BRINP1: variants seen among roughly 807,000 people sequenced by gnomAD.
BRINP1 encodes the protein BMP/retinoic acid-inducible neural-specific protein 1.
A neutral mutation model predicts 72.9 loss-of-function variants in BRINP1; 17 were observed. The ratio of observed to expected loss-of-function variants is 0.23; its 90% CI spans 0.16 to 0.35. The LOEUF (loss-of-function observed/expected upper bound fraction) is 0.35, where lower values mean the gene tolerates loss of function less well. BRINP1 is among the 10% of genes least tolerant of loss of function. The probability of loss-of-function intolerance (pLI) is 1.00; values close to 1 mark genes in which losing one functional copy is unlikely to be tolerated. For synonymous variants in BRINP1, 418 were observed against 378.5 expected, an observed-to-expected ratio of 1.10 and a Z score of -1.21; for missense variants, 850 against 1,001.6, an observed-to-expected ratio of 0.85 and a Z score of 2.04.
rs143306726 is a variant in BRINP1, at chr9:119,230,823, C to T, written c.685+7832G>A. ...GAGAAGGCTCTCAAAACACAAGTCT[C>T]GGGTGGCCCTGTTGGAGATTCAGGC... On this transcript the variant is annotated intron_variant, in intron 5 of 7. Coordinates refer to ENST00000265922, the MANE Select transcript of BRINP1 (RefSeq NM_014618.3). 7.4e-4 allele frequency among the ~76,000 whole-genome samples: 112 copies of T among 152,096 alleles called. 1 individual carries two copies. Among genetic ancestry groups the T allele is most frequent in the Non-Finnish European group, 1.1e-3 (77 of 67,950 alleles).
At chr9:119,286,755 A>C (rs1347630794) in intron 2 of BRINP1, among the ~76,000 whole-genome samples, 1 of 152,234 alleles carries the variant, frequency 6.6e-6, no homozygotes, top group Non-Finnish European at 1.5e-5. Flanking sequence ...CATGCCTGCT[A>C]TACAAGGTCA....
chr9:119,228,398 T>C (rs150108302), intron 5 of BRINP1, among the ~76,000 whole-genome samples: 2,226 of 152,070 alleles, frequency 0.015, 28 homozygotes, highest in Non-Finnish European at 0.02. Context: ...AGGAAAAATC[T>C]TTGCCTTTAA....
chr9:119,313,264 T>C lies in BRINP1; in HGVS notation c.92A>G (p.Asp31Gly). 4 of 1,614,168 alleles carry C rather than the reference T, an allele frequency of 2.5e-6. No homozygotes were observed. The highest frequency in any genetic ancestry group is 3.4e-6 in the Non-Finnish European group (4 of 1,180,024). The change falls in exon 2 of 8, where the codon GAC becomes GGC. Residue 31 changes from aspartate (D) to glycine (G), a missense_variant. Coordinates refer to ENST00000265922, the MANE Select transcript of BRINP1 (RefSeq NM_014618.3). ...QPSHQEPAGT[D>G]QHVSKEFDWL... The stretch of plus-strand genomic sequence containing the variant: ...ATCAAATTCCTTGGAGACATGTTGG[T>C]CTGTCCCAGCTGGTTCCTGGTGGGA...
chr9:119,291,075 A>T (rs1366453566), intron 2 of BRINP1, among the ~76,000 whole-genome samples: 1 of 150,960 alleles, frequency 6.6e-6, no homozygotes, highest in African/African-American at 2.4e-5. Flanking sequence ...GTGAGCCGAG[A>T]TCGCGCCACT....
intron 7 of BRINP1, among the ~76,000 whole-genome samples, chr9:119,188,648 G>A (rs1309941521): frequency 6.6e-6 from 1 of 152,066 alleles, no homozygotes; most frequent in African/African-American, 2.4e-5. Context: ...CAAGCATGGT[G>A]GTATGTGCCT....
chr9:119,222,786 T>C (rs1015334773), intron 5 of BRINP1, among the ~76,000 whole-genome samples: 1 of 152,086 alleles, frequency 6.6e-6, no homozygotes, highest in Non-Finnish European at 1.5e-5. Flanking sequence ...AAAAAGATAA[T>C]ATAGCTTAAT....
chr9:119,275,188 A>G lies in BRINP1; in HGVS notation c.219-26038T>C, dbSNP rs75638788. On this transcript the variant is annotated intron_variant, in intron 2 of 7. Transcript: ENST00000265922. ...CATATCTAAAAGAGAAAATGTATCTATTTTTGTTTTAATATATATGTAGGA... is the reference window on the plus strand; with the variant it reads ...CATATCTAAAAGAGAAAATGTATCTGTTTTTGTTTTAATATATATGTAGGA... 7.2e-3 allele frequency among the ~76,000 whole-genome samples: 1,090 copies of G among 152,266 alleles called. 12 individuals are homozygous for G. The highest frequency in any genetic ancestry group is 0.024 in the African/African-American group (983 of 41,566).
At chr9:119,186,529 A>C (rs986495385) in intron 7 of BRINP1, among the ~76,000 whole-genome samples, 1 of 152,108 alleles carries the variant, frequency 6.6e-6, no homozygotes, top group Non-Finnish European at 1.5e-5. Flanking sequence ...GCAGCCTTGC[A>C]CACTTAGCAC....
At chr9:119,261,133 C>G (rs1830490919) in intron 2 of BRINP1, among the ~76,000 whole-genome samples, 1 of 152,132 alleles carries the variant, frequency 6.6e-6, no homozygotes, top group South Asian at 2.1e-4. Context: ...GGGTGCCTGT[C>G]TTTGAAGATA....
intron 2 of BRINP1, among the ~76,000 whole-genome samples, chr9:119,276,620 C>T (rs1830660290): frequency 6.6e-6 from 1 of 152,166 alleles, no homozygotes; most frequent in Non-Finnish European, 1.5e-5. Flanking sequence ...TTCACTATTA[C>T]TTTACAAATC....
intron 5 of BRINP1, 48 bp from the exon 6 acceptor site, chr9:119,214,203 T>G: frequency 2.1e-6 from 3 of 1,417,484 alleles, no homozygotes; most frequent in Non-Finnish European, 3.0e-6. Flanking sequence ...TAAAAAAAGG[T>G]GTTTCATTAA....
At chr9:119,348,655 G>A (rs1831472587) in intron 1 of BRINP1, among the ~76,000 whole-genome samples, 1 of 152,106 alleles carries the variant, frequency 6.6e-6, no homozygotes, top group African/African-American at 2.4e-5. Flanking sequence ...TCACTTCAAG[G>A]TCATTCTCTC....
chr9:119,266,810 T>A (rs1028500642), intron 2 of BRINP1, among the ~76,000 whole-genome samples: 6 of 152,384 alleles, frequency 3.9e-5, no homozygotes, highest in African/African-American at 1.4e-4. Context: ...TCCATCCATG[T>A]TGTTGCAAAT....
chr9:119,287,697 T>C (rs1331163868), intron 2 of BRINP1, among the ~76,000 whole-genome samples: 1 of 152,234 alleles, frequency 6.6e-6, no homozygotes, highest in African/African-American at 2.4e-5. Flanking sequence ...CATTCATATC[T>C]GAAGGTAGCA....
At chr9:119,260,720 C>T (rs1486656493) in intron 2 of BRINP1, among the ~76,000 whole-genome samples, 2 of 152,122 alleles carry the variant, frequency 1.3e-5, no homozygotes, top group Admixed American at 6.5e-5. Context: ...AAAAACTGCC[C>T]AGGTCACATC....
intron 1 of BRINP1, among the ~76,000 whole-genome samples, chr9:119,327,303 A>G (rs750413182): frequency 3.9e-5 from 6 of 152,164 alleles, no homozygotes; most frequent in Non-Finnish European, 5.9e-5. Context: ...TCTCTCCTAC[A>G]GTGCCTTCAA....
At chr9:119,212,715 C>T (rs1020990093) in intron 6 of BRINP1, among the ~76,000 whole-genome samples, 1 of 152,178 alleles carries the variant, frequency 6.6e-6, no homozygotes. Flanking sequence ...TTAACAGGTA[C>T]TTGAGCACAT....
rs955021018 is a variant in BRINP1 at position 119,166,918 on chromosome 9, A to G, written c.*166T>C. On this transcript the variant is annotated 3_prime_UTR_variant, in exon 8 of 8. Coordinates refer to ENST00000265922, the MANE Select transcript of BRINP1 (RefSeq NM_014618.3). ...ACAAACATGCCCAACGCTTTTATAC[A>G]GTTGCTAGAACGTTTTCATTTCCAA... 300 of 723,548 alleles carry G rather than the reference A, an allele frequency of 4.1e-4. 2 individuals are homozygous for G. Among genetic ancestry groups the G allele is most frequent in the Admixed American group, 7.3e-4 (24 of 32,906 alleles). The allele number at this position is 723,548 out of a possible 1,614,324, so 44.8% of individuals were successfully genotyped here.
intron 2 of BRINP1, among the ~76,000 whole-genome samples, chr9:119,259,188 C>T (rs916015037): frequency 6.6e-6 from 1 of 152,316 alleles, no homozygotes; most frequent in East Asian, 1.9e-4. Flanking sequence ...ACTTTACGGT[C>T]GGCCTGGTCT....
Sources: allele counts gnomAD v4.1 joint callset (sites outside exome capture counted in the v4.1 genomes callset), GRCh38; gene constraint gnomAD v4.1.1; transcripts MANE v1.5; gene names NCBI Gene and HGNC (gene_info 2026-07-23, HGNC 2026-07-21).